Variants in CAMKMT observed in about 807,000 individuals in gnomAD.
The protein encoded by CAMKMT is calmodulin-lysine N-methyltransferase.
A neutral mutation model predicts 48.0 loss-of-function variants in CAMKMT; 53 were observed. The observed-to-expected ratio is 1.10, with a 90% CI of 0.89 to 1.39. The LOEUF (loss-of-function observed/expected upper bound fraction) is 1.39, where lower values mean the gene tolerates loss of function less well. Among genes scored for constraint, CAMKMT ranks in the 40% most tolerant of loss-of-function variants. The pLI, the probability that CAMKMT is intolerant of heterozygous loss-of-function variation, is 0.00. For synonymous variants in CAMKMT, 165 were observed against 152.3 expected, an observed-to-expected ratio of 1.08 and a Z score of -0.61; for missense variants, 428 against 402.7, an observed-to-expected ratio of 1.06 and a Z score of -0.54.
At chr2:44,661,634 T>G (rs1037481065) in intron 3 of CAMKMT, among the ~76,000 whole-genome samples, 4 of 152,190 alleles carry the variant, frequency 2.6e-5, no homozygotes, top group African/African-American at 7.2e-5. Flanking sequence ...TCCGTTACAG[T>G]GTGATTTTGC....
At chr2:44,625,225 A>G (rs1007058682) in intron 3 of CAMKMT, among the ~76,000 whole-genome samples, 1 of 152,032 alleles carries the variant, frequency 6.6e-6, no homozygotes, top group African/African-American at 2.4e-5. Context: ...TGTGATTTCA[A>G]TTTGCATTCC....
intron 3 of CAMKMT, among the ~76,000 whole-genome samples, chr2:44,475,054 A>T (rs1668616697): frequency 6.6e-6 from 1 of 152,206 alleles, no homozygotes; most frequent in Non-Finnish European, 1.5e-5. Flanking sequence ...TACCAAAATG[A>T]TACAGTTGAA....
chr2:44,761,391 G>A (rs928332405), intron 9 of CAMKMT, among the ~76,000 whole-genome samples: 2 of 152,198 alleles, frequency 1.3e-5, no homozygotes, highest in African/African-American at 4.8e-5. Flanking sequence ...GCATGGGGCC[G>A]GTCACGTGGG....
intron 3 of CAMKMT, among the ~76,000 whole-genome samples, chr2:44,390,802 C>G (rs1209049853): frequency 1.3e-5 from 2 of 152,044 alleles, no homozygotes; most frequent in East Asian, 3.8e-4. Context: ...TGCAGTATTA[C>G]AATATTACAG....
At chr2:44,470,999 T>C (rs1668385598) in intron 3 of CAMKMT, among the ~76,000 whole-genome samples, 2 of 146,820 alleles carry the variant, frequency 1.4e-5, no homozygotes. Flanking sequence ...TCTCTCTTTT[T>C]TTTTTTTTTT....
chr2:44,557,755 G>A (rs1668093039), intron 3 of CAMKMT, among the ~76,000 whole-genome samples: 1 of 152,174 alleles, frequency 6.6e-6, no homozygotes, highest in Non-Finnish European at 1.5e-5. Flanking sequence ...TTTTTGTGGA[G>A]AAAGTATTTT....
intron 3 of CAMKMT, among the ~76,000 whole-genome samples, chr2:44,540,119 G>A (rs1476245332): frequency 6.7e-6 from 1 of 150,066 alleles, no homozygotes; most frequent in Non-Finnish European, 1.5e-5. Flanking sequence ...TCTGTTATAA[G>A]GAGAGGCTTC....
chr2:44,378,194 G>A (rs914250021), intron 2 of CAMKMT, among the ~76,000 whole-genome samples: 3 of 152,056 alleles, frequency 2.0e-5, no homozygotes, highest in Non-Finnish European at 4.4e-5. Context: ...CATTTTTATG[G>A]ATCTTAAATC....
intron 3 of CAMKMT, among the ~76,000 whole-genome samples, chr2:44,446,898 A>T (rs1667032446): frequency 6.6e-6 from 1 of 152,156 alleles, no homozygotes; most frequent in Non-Finnish European, 1.5e-5. Flanking sequence ...TTGTACATAC[A>T]CATGTTATGA....
At chr2:44,429,453 A>G (rs1572853803) in intron 3 of CAMKMT, among the ~76,000 whole-genome samples, 1 of 152,154 alleles carries the variant, frequency 6.6e-6, no homozygotes, top group Middle Eastern at 3.4e-3. Flanking sequence ...CCTGGTCTCT[A>G]TGTTATCATA....
At chr2:44,409,339 G>A (rs181998892) in intron 3 of CAMKMT, among the ~76,000 whole-genome samples, 159 of 151,874 alleles carry the variant, frequency 1.0e-3, no homozygotes, top group Non-Finnish European at 8.4e-4. Context: ...GATTTCTACC[G>A]TGACATTTGT....
In CAMKMT at chr2:44,744,890, A is replaced by G. The variant is rs543698233; in HGVS notation, c.698+1194A>G. On this transcript the variant is annotated intron_variant, in intron 8 of 10. Transcript: ENST00000378494. ...AGCCCTTTTAGTCTTTTTGCACCCA[A>G]TTTCAGAAAATCTTGTTCCAAAAAT... 4.7e-4 allele frequency among the ~76,000 whole-genome samples: 72 copies of G among 152,180 alleles called. No individual in the cohort carries two copies. The Middle Eastern group carries it at 0.014, about 29-fold the overall frequency.
chr2:44,482,146 C>A (rs1266562457), intron 3 of CAMKMT, among the ~76,000 whole-genome samples: 1 of 151,952 alleles, frequency 6.6e-6, no homozygotes, highest in Non-Finnish European at 1.5e-5. Flanking sequence ...GAAAGACTTT[C>A]AGGAGAGGGA....
intron 3 of CAMKMT, among the ~76,000 whole-genome samples, chr2:44,580,265 AAG>A (rs951920055): frequency 2.1e-4 from 31 of 151,044 alleles, no homozygotes; most frequent in African/African-American, 7.3e-4. Flanking sequence ...AAATAAAATA[AAG>A]TAAAATAAAA....
chr2:44,704,356 A>C lies in CAMKMT; in HGVS notation c.437+13A>C. On this transcript the variant is annotated intron_variant, in intron 4 of 10. Transcript: ENST00000378494. The stretch of plus-strand genomic sequence containing the variant: ...ATAATATATTCAGGTACAGAGCTGC[A>C]CTTAAGATATTTTTTAGCCCATCAC... The C allele has an allele frequency of 6.5e-7, 1 of 1,546,052 alleles. No homozygotes were observed. Among genetic ancestry groups the C allele is most frequent in the Non-Finnish European group, 8.8e-7 (1 of 1,141,698 alleles).
At chr2:44,400,692 T>A (rs1558579628) in intron 3 of CAMKMT, 1 of 151,864 alleles carries the variant, frequency 6.6e-6, no homozygotes, top group African/African-American at 2.4e-5. Flanking sequence ...CATCCATGAA[T>A]GGCAACAGCT....
At chr2:44,628,546 T>A (rs1337584868) in intron 3 of CAMKMT, among the ~76,000 whole-genome samples, 1 of 151,436 alleles carries the variant, frequency 6.6e-6, no homozygotes, top group African/African-American at 2.4e-5. Context: ...CCTTTTTTTC[T>A]AAGTTTTTTT....
At chr2:44,723,636 A>T (rs1461400792) in intron 7 of CAMKMT, 3 of 149,536 alleles carry the variant, frequency 2.0e-5, no homozygotes, top group African/African-American at 7.5e-5. Context: ...AAATAAATAA[A>T]TAAATAAATA....
chr2:44,488,234 C>T (rs1669303421), intron 3 of CAMKMT, among the ~76,000 whole-genome samples: 1 of 152,174 alleles, frequency 6.6e-6, no homozygotes, highest in African/African-American at 2.4e-5. Flanking sequence ...CGCGGTGGCT[C>T]ACACCTGTAA....
Sources: gnomAD v4.1 joint callset for allele counts (sites outside exome capture counted in the v4.1 genomes callset) on GRCh38, gnomAD v4.1.1 for gene constraint, MANE v1.5 for transcripts, NCBI Gene and HGNC (gene_info 2026-07-23, HGNC 2026-07-21) for gene names.